TCP11L1: variants seen among roughly 807,000 people sequenced by gnomAD.
The protein encoded by TCP11L1 is T-complex protein 11-like protein 1.
A neutral mutation model predicts 48.9 loss-of-function variants in TCP11L1; 28 were observed. The observed-to-expected ratio is 0.57, with a 90% CI of 0.42 to 0.78. The LOEUF is 0.78. TCP11L1 is among the 30% of genes least tolerant of loss of function. The probability of loss-of-function intolerance (pLI) is 0.00; values close to 1 mark genes in which losing one functional copy is unlikely to be tolerated. For missense variants in TCP11L1, 505 were observed against 613.4 expected (o/e 0.82, Z 1.87); for synonymous variants, 204 against 231.9 (o/e 0.88, Z 1.09).
intron 8 of TCP11L1, 85 bp from the exon 9 acceptor site, chr11:33,068,602 C>T (rs189803000): frequency 9.1e-4 from 1,359 of 1,491,572 alleles, no homozygotes; most frequent in Non-Finnish European, 1.1e-3. Context: ...TTATTGGTGC[C>T]GTCATTCTCA....
At chr11:33,051,220 T>G (rs1327076990) in intron 2 of TCP11L1, among the ~76,000 whole-genome samples, 2 of 152,144 alleles carry the variant, frequency 1.3e-5, no homozygotes, top group African/African-American at 4.8e-5. Context: ...CAGGCTGGAG[T>G]GCAGTGGTGC....
In TCP11L1 at chr11:33,072,738, T is replaced by G. The variant is rs1300631216; in HGVS notation, c.*62T>G. On this transcript the variant is annotated 3_prime_UTR_variant, in exon 10 of 10. Coordinates refer to ENST00000334274, the MANE Select transcript of TCP11L1 (RefSeq NM_018393.4). Reference sequence around the variant, plus strand: ...GCCACAGAATACCTGTTCTGTACTCTAATGTTGCATTGGAAAATGGCTATA... The same window carrying G: ...GCCACAGAATACCTGTTCTGTACTCGAATGTTGCATTGGAAAATGGCTATA... 29 of 1,570,090 alleles carry G rather than the reference T, an allele frequency of 1.8e-5. No individual in the cohort carries two copies. Among genetic ancestry groups the G allele is most frequent in the Non-Finnish European group, 2.5e-5 (28 of 1,142,728 alleles).
At chr11:33,059,121 T>C (rs1236902538) in intron 6 of TCP11L1, 26 bp downstream of exon 6, 1 of 1,608,068 alleles carries the variant, frequency 6.2e-7, no homozygotes, top group African/African-American at 1.3e-5. Flanking sequence ...TGTGGTACTT[T>C]TTTTGTTGTC....
At chr11:33,043,572 T>C (rs1166936246) in intron 1 of TCP11L1, among the ~76,000 whole-genome samples, 178 bp from the exon 2 acceptor site, 1 of 152,236 alleles carries the variant, frequency 6.6e-6, no homozygotes, top group African/African-American at 2.4e-5. Flanking sequence ...ATTTTACAAG[T>C]ATCTGTTTAG....
At chr11:33,052,250 T>A (rs1047754838) in intron 2 of TCP11L1, among the ~76,000 whole-genome samples, 21 of 152,258 alleles carry the variant, frequency 1.4e-4, no homozygotes, top group South Asian at 4.1e-4. Context: ...TTAAAAAAAA[T>A]TTTTTTAATT....
intron 3 of TCP11L1, among the ~76,000 whole-genome samples, chr11:33,056,189 A>G (rs10430949): frequency 0.39 from 59,058 of 151,944 alleles, 11,610 homozygotes; most frequent in East Asian, 0.45. Context: ...AGCTCACTGC[A>G]GCCTCCATCT....
At chr11:33,054,420 G>A (rs1854251395) in intron 2 of TCP11L1, among the ~76,000 whole-genome samples, 173 bp from the exon 3 acceptor site, 1 of 151,960 alleles carries the variant, frequency 6.6e-6, no homozygotes, top group Non-Finnish European at 1.5e-5. Flanking sequence ...AGGATTCAAG[G>A]GTAAAAAATG....
chr11:33,061,838 T>G (rs1854476930), intron 7 of TCP11L1, 112 bp downstream of exon 7: 2 of 1,134,844 alleles, frequency 1.8e-6, no homozygotes, highest in African/African-American at 1.6e-5. Flanking sequence ...CCCAGCACTT[T>G]GGGAGGCAGA....
intron 2 of TCP11L1, among the ~76,000 whole-genome samples, chr11:33,051,178 T>A (rs911157065): frequency 1.3e-5 from 2 of 152,000 alleles, no homozygotes; most frequent in Admixed American, 6.6e-5. Context: ...TTATTATTAA[T>A]TTTTTTTGAG....
In TCP11L1 at chr11:33,065,860, G is replaced by A. The variant is rs772281312; in HGVS notation, c.1003G>A (p.Glu335Lys). 3.7e-6 allele frequency: 6 copies of A among 1,614,016 alleles called. No homozygotes were observed. The highest frequency in any genetic ancestry group is 2.2e-5 in the East Asian group (1 of 44,886). ...TVLMDQSRFHELQLQLEQLTI... is the reference protein window; with the variant it reads ...TVLMDQSRFHKLQLQLEQLTI... ...TTTAATGGACCAGTCTCGCTTCCAC[G>A]AGCTCCAGTTGCAGCTGGAACAACT... The change falls in exon 8 of 10, where the codon GAG (glutamate) becomes AAG (lysine). Residue 335 changes from glutamate to lysine, a missense_variant. This residue lies in a region of TCP11L1 where 335 missense variants were observed against 413.3 expected (regional missense o/e 0.81). Coordinates refer to ENST00000334274, the MANE Select transcript of TCP11L1 (RefSeq NM_018393.4).
chr11:33,072,034 C>CGT (rs1265375463), intron 9 of TCP11L1, among the ~76,000 whole-genome samples: 2 of 149,076 alleles, frequency 1.3e-5, no homozygotes, highest in African/African-American at 5.2e-5. Flanking sequence ...TTAGTAGAGA[C>CGT]GGGGCTTCAC....
intron 1 of TCP11L1, among the ~76,000 whole-genome samples, 153 bp from the exon 2 acceptor site, chr11:33,043,597 T>C (rs59991709): frequency 0.12 from 18,942 of 152,282 alleles, 1,470 homozygotes; most frequent in Middle Eastern, 0.21. Flanking sequence ...TGAAGTAGAA[T>C]ATAGCTGGAT....
chr11:33,059,145 T>G (rs1242220656), intron 6 of TCP11L1, 50 bp downstream of exon 6: 1 of 1,600,758 alleles, frequency 6.2e-7, no homozygotes, highest in African/African-American at 1.3e-5. Context: ...GGTTTTTCAT[T>G]TTAGCTGCCA....
intron 7 of TCP11L1, 140 bp from the exon 8 acceptor site, chr11:33,065,690 C>T: frequency 1.1e-6 from 1 of 925,504 alleles, no homozygotes. Flanking sequence ...TATTTCACAC[C>T]AGACTCCCTC....
intron 2 of TCP11L1, among the ~76,000 whole-genome samples, chr11:33,045,464 C>T (rs1025131598): frequency 6.6e-6 from 1 of 151,746 alleles, no homozygotes; most frequent in Admixed American, 6.6e-5. Context: ...TGCAGTGAGC[C>T]GTGATTGTGT....
At chr11:33,047,341 C>A (rs11604740) in intron 2 of TCP11L1, among the ~76,000 whole-genome samples, 1 of 151,932 alleles carries the variant, frequency 6.6e-6, no homozygotes, top group Non-Finnish European at 1.5e-5. Flanking sequence ...AAAAGATTAT[C>A]TGTTCTTTAA....
At position 33,051,025 on chromosome 11, in the gene TCP11L1, G is replaced by A. The variant is rs1443618755; in HGVS notation, c.164-3568G>A. ...GGGGTTTCGCCATGTTGCCCAGGCT[G>A]TTCTCAAATTCCTGGCCTCAAGCAA... On this transcript the variant is annotated intron_variant, in intron 2 of 9. Coordinates refer to ENST00000334274, the MANE Select transcript of TCP11L1 (RefSeq NM_018393.4). Among the ~76,000 whole-genome samples, 4 of 152,230 alleles carry A rather than the reference G, an allele frequency of 2.6e-5. No homozygotes were observed. In the East Asian group the frequency reaches 7.7e-4, roughly 29 times the overall value.
intron 7 of TCP11L1, among the ~76,000 whole-genome samples, chr11:33,063,083 T>C (rs1181157293): frequency 6.6e-6 from 1 of 152,154 alleles, no homozygotes; most frequent in African/African-American, 2.4e-5. Context: ...CAGGCTGATC[T>C]TAAACTCCTG....
chr11:33,054,507 G>A, intron 2 of TCP11L1, 86 bp from the exon 3 acceptor site: 2 of 1,495,142 alleles, frequency 1.3e-6, no homozygotes, highest in Non-Finnish European at 1.8e-6. Flanking sequence ...TGAAATTATT[G>A]TCTGGTACCA....
Sources: allele counts gnomAD v4.1 joint callset (sites outside exome capture counted in the v4.1 genomes callset), GRCh38; gene constraint gnomAD v4.1.1; regional missense constraint gnomAD v4.1.1; transcripts MANE v1.5; gene names NCBI Gene and HGNC (gene_info 2026-07-23, HGNC 2026-07-21).